The following PTPRD variants were observed in gnomAD, a reference collection of about 807,000 sequenced individuals.
PTPRD encodes the protein receptor-type tyrosine-protein phosphatase delta.
PTPRD carries 34 observed loss-of-function variants against 214.5 expected under a neutral mutation model. That is an observed-to-expected ratio of 0.16 (90% confidence interval 0.12 to 0.21). The LOEUF (loss-of-function observed/expected upper bound fraction) is 0.21, where lower values mean the gene tolerates loss of function less well. Among genes scored for constraint, PTPRD ranks in the 10% least tolerant of loss-of-function variants. The probability of loss-of-function intolerance (pLI) is 1.00; values close to 1 mark genes in which losing one functional copy is unlikely to be tolerated. For synonymous variants in PTPRD, 1,128 were observed against 845.7 expected (o/e 1.33, Z -5.79); for missense variants, 2,545 against 2,398.7 (o/e 1.06, Z -1.27).
rs560239586 is a variant in PTPRD at position 8,336,792 on chromosome 9, G to C, written c.5379+2130C>G. On this transcript the variant is annotated intron_variant, in intron 43 of 45. Transcript: ENST00000381196. ...CAACCTCATCAAAAAGTGGGCAAAG[G>C]ATATGAACAGACACTTCTCAGAAGA... Among the ~76,000 whole-genome samples the C allele has an allele frequency of 3.3e-5, 5 of 152,250 alleles. No homozygotes were observed. The East Asian group carries it at 9.7e-4, about 29-fold the overall frequency.
At chr9:9,889,811 GTA>G (rs2072568885) in intron 5 of PTPRD, among the ~76,000 whole-genome samples, 3 of 142,988 alleles carry the variant, frequency 2.1e-5, no homozygotes, top group African/African-American at 3.0e-5. Flanking sequence ...GTGTGTGTGT[GTA>G]TGTGTGTGTG....
At chr9:9,028,257 T>G (rs1418650514) in intron 10 of PTPRD, among the ~76,000 whole-genome samples, 2 of 151,996 alleles carry the variant, frequency 1.3e-5, no homozygotes, top group Admixed American at 1.3e-4. Context: ...TTGTTGAAGC[T>G]CACTAAATTA....
intron 10 of PTPRD, among the ~76,000 whole-genome samples, chr9:9,024,086 C>T (rs2099578692): frequency 6.6e-6 from 1 of 151,694 alleles, no homozygotes. Flanking sequence ...CAAAATCCTA[C>T]CACTGAGAGA....
chr9:8,331,944 ACTCTTGAAATCCTAAATTT>A lies in PTPRD; in HGVS notation c.5380-227_5380-209del, dbSNP rs963681600. ...ATACCTTTAAATCCTAAATTTATTTACTCTTGAAATCCTAAATTTATTTACTCTTGCAGTGCCCAGTTAA... is the reference window on the plus strand; with the variant it reads ...ATACCTTTAAATCCTAAATTTATTTAATTTACTCTTGCAGTGCCCAGTTAA... On this transcript the variant is annotated intron_variant, in intron 43 of 45. Coordinates refer to ENST00000381196, the MANE Select transcript of PTPRD (RefSeq NM_002839.4). Among the ~76,000 whole-genome samples the A allele has an allele frequency of 3.6e-3, 134 of 37,418 alleles. No homozygotes were observed. In the African/African-American group the frequency reaches 0.13, roughly 35 times the overall value. 24.5% of individuals were successfully genotyped at this position (37,418 alleles called of 152,430 possible).
At chr9:10,522,063 T>C (rs1053698694) in intron 2 of PTPRD, among the ~76,000 whole-genome samples, 3 of 152,082 alleles carry the variant, frequency 2.0e-5, no homozygotes, top group Non-Finnish European at 4.4e-5. Context: ...ATGGATATAA[T>C]ATTTAAGGAA....
At chr9:8,936,184 G>A (rs935552226) in intron 11 of PTPRD, 2 of 152,180 alleles carry the variant, frequency 1.3e-5, no homozygotes, top group Non-Finnish European at 2.9e-5. Flanking sequence ...ACTGAGGTAA[G>A]TGGATCGCTT....
At chr9:10,032,649 T>C (rs985859305) in intron 4 of PTPRD, among the ~76,000 whole-genome samples, 6 of 152,198 alleles carry the variant, frequency 3.9e-5, no homozygotes, top group African/African-American at 1.4e-4. Context: ...GCAGTATATC[T>C]ATTCAATCTA....
intron 12 of PTPRD, among the ~76,000 whole-genome samples, chr9:8,687,220 G>C (rs1225108646): frequency 6.7e-6 from 1 of 149,802 alleles, no homozygotes; most frequent in African/African-American, 2.5e-5. Context: ...GCAGAAATCA[G>C]AAAAAAAAAC....
chr9:9,849,882 A>G (rs529756328), intron 5 of PTPRD, among the ~76,000 whole-genome samples: 3 of 152,170 alleles, frequency 2.0e-5, no homozygotes, highest in Non-Finnish European at 2.9e-5. Context: ...AGGGATTAAC[A>G]TAGTAAAAGT....
At chr9:9,370,105 G>T (rs188764647) in intron 9 of PTPRD, among the ~76,000 whole-genome samples, 1 of 151,934 alleles carries the variant, frequency 6.6e-6, no homozygotes, top group African/African-American at 2.4e-5. Flanking sequence ...CTCTTTTTTC[G>T]TTCCATATGA....
intron 7 of PTPRD, among the ~76,000 whole-genome samples, chr9:9,730,120 A>T (rs1278569349): frequency 1.3e-5 from 2 of 152,126 alleles, no homozygotes; most frequent in Non-Finnish European, 2.9e-5. Flanking sequence ...TACATATAAA[A>T]GAAATACACT....
intron 7 of PTPRD, among the ~76,000 whole-genome samples, chr9:9,625,862 G>C (rs1472383112): frequency 6.6e-6 from 1 of 152,104 alleles, no homozygotes; most frequent in Non-Finnish European, 1.5e-5. Flanking sequence ...CCAGCTCTCT[G>C]GTAGACATTG....
chr9:8,650,272 G>A (rs538872013), intron 12 of PTPRD, among the ~76,000 whole-genome samples: 55 of 151,862 alleles, frequency 3.6e-4, no homozygotes, highest in Non-Finnish European at 5.6e-4. Flanking sequence ...GCTCACGCCT[G>A]TAATCCCAGC....
intron 10 of PTPRD, among the ~76,000 whole-genome samples, chr9:9,061,179 T>C (rs1330414820): frequency 6.6e-6 from 1 of 152,198 alleles, no homozygotes; most frequent in Non-Finnish European, 1.5e-5. Flanking sequence ...ACCTGGGCTA[T>C]TCATTTTGGA....
chr9:9,720,042 C>G (rs780830706), intron 7 of PTPRD, among the ~76,000 whole-genome samples: 2 of 152,106 alleles, frequency 1.3e-5, no homozygotes, highest in African/African-American at 4.8e-5. Context: ...GTTGGTAGCA[C>G]GAGCCAATCA....
intron 21 of PTPRD, among the ~76,000 whole-genome samples, chr9:8,514,274 G>A (rs1309698405): frequency 2.6e-5 from 4 of 152,116 alleles, no homozygotes; most frequent in Admixed American, 6.6e-5. Flanking sequence ...TAAATACAAG[G>A]ATTCTCACAA....
intron 9 of PTPRD, among the ~76,000 whole-genome samples, chr9:9,330,680 G>T (rs988911426): frequency 1.3e-5 from 2 of 151,766 alleles, no homozygotes; most frequent in Non-Finnish European, 2.9e-5. Flanking sequence ...TTTGTCCTAG[G>T]ATAATCAATA....
At chr9:9,937,648 T>A (rs73643825) in intron 5 of PTPRD, among the ~76,000 whole-genome samples, 9,435 of 152,214 alleles carry the variant, frequency 0.062, 533 homozygotes, top group East Asian at 0.17. Flanking sequence ...ACTTATTACA[T>A]GTTTCTTGTA....
Position 9,982,199 on chromosome 9 carries a change from T to G in PTPRD, c.-471-43589A>C, listed in dbSNP as rs1156617706. Among the ~76,000 whole-genome samples the G allele has an allele frequency of 3.9e-5, 6 of 152,182 alleles. No homozygotes were observed. The East Asian group carries it at 1.2e-3, about 29-fold the overall frequency. ...CTGTGCCAAGAAACCTCTGGCTTCC[T>G]AACCTTGACAAGCCTTTTTGAGGCA... On this transcript the variant is annotated intron_variant, in intron 4 of 45. Coordinates refer to ENST00000381196, the MANE Select transcript of PTPRD (RefSeq NM_002839.4).
Sources: gnomAD v4.1 joint callset for allele counts (sites outside exome capture counted in the v4.1 genomes callset) on GRCh38, gnomAD v4.1.1 for gene constraint, MANE v1.5 for transcripts, NCBI Gene and HGNC (gene_info 2026-07-23, HGNC 2026-07-21) for gene names.